NPAS3: variants seen among roughly 807,000 people sequenced by gnomAD.
NPAS3 encodes the protein neuronal PAS domain-containing protein 3.
In NPAS3, 14 loss-of-function variants were observed where a neutral mutation model predicts 73.1. The observed-to-expected ratio is 0.19, with a 90% CI of 0.13 to 0.30. The LOEUF (loss-of-function observed/expected upper bound fraction) is 0.30, where lower values mean the gene tolerates loss of function less well. NPAS3 is among the 10% of genes least tolerant of loss of function. NPAS3 has a pLI of 1.00. For missense variants in NPAS3, 1,096 were observed against 1,250.0 expected (o/e 0.88, Z 1.86); for synonymous variants, 620 against 541.5 (o/e 1.14, Z -2.01).
intron 4 of NPAS3, among the ~76,000 whole-genome samples, chr14:33,415,065 T>C (rs79754205): frequency 0.013 from 1,938 of 152,226 alleles, 40 homozygotes; most frequent in African/African-American, 0.044. Context: ...TCAACCAATA[T>C]GCATAAGACT....
chr14:33,064,362 C>T (rs907568127), intron 2 of NPAS3, among the ~76,000 whole-genome samples: 5 of 151,992 alleles, frequency 3.3e-5, no homozygotes, highest in East Asian at 1.9e-4. Flanking sequence ...AACAAAGGAA[C>T]GAAATTATGG....
At chr14:33,739,092 T>C (rs1325348625) in intron 7 of NPAS3, among the ~76,000 whole-genome samples, 1 of 152,202 alleles carries the variant, frequency 6.6e-6, no homozygotes, top group African/African-American at 2.4e-5. Context: ...AATGGCACAG[T>C]AGACAGCCTA....
chr14:33,116,029 G>T (rs1457964393), intron 2 of NPAS3, among the ~76,000 whole-genome samples: 1 of 151,998 alleles, frequency 6.6e-6, no homozygotes, highest in African/African-American at 2.4e-5. Flanking sequence ...ACAGATGGGA[G>T]CCTCATCCAA....
chr14:33,284,988 G>T (rs768745122), intron 3 of NPAS3, among the ~76,000 whole-genome samples: 3 of 152,152 alleles, frequency 2.0e-5, no homozygotes, highest in Non-Finnish European at 4.4e-5. Context: ...CTTTGGAAAC[G>T]TCCAAGGAGA....
chr14:33,232,010 G>A lies in NPAS3; in HGVS notation c.385+16584G>A, dbSNP rs534808759. Among the ~76,000 whole-genome samples, 5 of 152,228 alleles carry A rather than the reference G, an allele frequency of 3.3e-5. 1 individual carries two copies. In the South Asian group the frequency reaches 8.3e-4, roughly 25 times the overall value. Reference sequence around the variant, plus strand: ...ATAGTCCTATAGAGAGAATTGGTATGTATTTCATAATAATACCATGTAGTC... The same window carrying A: ...ATAGTCCTATAGAGAGAATTGGTATATATTTCATAATAATACCATGTAGTC... On this transcript the variant is annotated intron_variant, in intron 3 of 11. Transcript: ENST00000356141.
intron 5 of NPAS3, among the ~76,000 whole-genome samples, chr14:33,639,606 A>C (rs950018116): frequency 1.2e-4 from 18 of 152,150 alleles, no homozygotes; most frequent in African/African-American, 4.3e-4. Flanking sequence ...GTTCAGGTAC[A>C]TAAGAGCCAA....
chr14:33,752,734 C>G (rs78495155), intron 7 of NPAS3, among the ~76,000 whole-genome samples: 5 of 152,274 alleles, frequency 3.3e-5, no homozygotes, highest in Non-Finnish European at 7.3e-5. Context: ...CCTTCTCCGT[C>G]AAGGAAAATT....
intron 2 of NPAS3, among the ~76,000 whole-genome samples, chr14:33,070,599 G>A (rs987515459): frequency 6.6e-6 from 1 of 152,154 alleles, no homozygotes; most frequent in African/African-American, 2.4e-5. Flanking sequence ...GTGGATCATT[G>A]TTTGAAAGTA....
intron 2 of NPAS3, among the ~76,000 whole-genome samples, chr14:33,132,791 A>G (rs759002390): frequency 1.3e-5 from 2 of 152,188 alleles, no homozygotes; most frequent in Non-Finnish European, 2.9e-5. Context: ...GATGGTAGTG[A>G]CTTTAGAAGC....
At chr14:33,676,188 C>T (rs370348244) in intron 5 of NPAS3, 23 bp from the exon 6 acceptor site, 2 of 1,611,938 alleles carry the variant, frequency 1.2e-6, no homozygotes, top group African/African-American at 1.3e-5. Context: ...TCTTTCCTTC[C>T]CACCCTTTCT....
At chr14:33,528,305 T>C (rs1227992109) in intron 4 of NPAS3, among the ~76,000 whole-genome samples, 1 of 151,954 alleles carries the variant, frequency 6.6e-6, no homozygotes, top group Non-Finnish European at 1.5e-5. Context: ...TATTCACTTA[T>C]TCACTTGGTG....
chr14:33,365,588 C>A (rs1311331458), intron 3 of NPAS3, among the ~76,000 whole-genome samples: 3 of 152,100 alleles, frequency 2.0e-5, no homozygotes, highest in Non-Finnish European at 4.4e-5. Context: ...AAGATCCCTT[C>A]CAGCTGGAAT....
intron 1 of NPAS3, among the ~76,000 whole-genome samples, chr14:33,027,783 A>G (rs1170044847): frequency 6.6e-6 from 1 of 152,188 alleles, no homozygotes; most frequent in East Asian, 1.9e-4. Flanking sequence ...CAGAAGCAAT[A>G]TACATATTTT....
In NPAS3 at chr14:33,288,839, T is replaced by C. The variant is rs138159738; in HGVS notation, c.385+73413T>C. On this transcript the variant is annotated intron_variant, in intron 3 of 11. Coordinates refer to ENST00000356141, the Ensembl canonical transcript of NPAS3. ...CCCACAAAGCAAAATATCTAAAAAA[T>C]CTATTGTACACATTTAAAATTATTA... 5.9e-3 allele frequency among the ~76,000 whole-genome samples: 900 copies of C among 152,214 alleles called. 4 individuals carry two copies. The highest frequency in any genetic ancestry group is 0.031 in the Middle Eastern group (9 of 294).
intron 5 of NPAS3, among the ~76,000 whole-genome samples, chr14:33,657,409 G>C (rs752230430): frequency 6.6e-6 from 1 of 152,178 alleles, no homozygotes; most frequent in Non-Finnish European, 1.5e-5. Context: ...TATCATCCCA[G>C]ACATAAAGAA....
chr14:33,381,289 C>T (rs1282681592), intron 4 of NPAS3, among the ~76,000 whole-genome samples: 1 of 152,162 alleles, frequency 6.6e-6, no homozygotes, highest in Non-Finnish European at 1.5e-5. Context: ...GATATTGTTA[C>T]GTCTTTCTAA....
At chr14:33,504,390 A>G (rs1228226750) in intron 4 of NPAS3, among the ~76,000 whole-genome samples, 3 of 152,020 alleles carry the variant, frequency 2.0e-5, no homozygotes, top group Non-Finnish European at 4.4e-5. Flanking sequence ...ACTACCAACA[A>G]TAAAAGCTGG....
At chr14:33,607,975 G>A (rs193076552) in intron 5 of NPAS3, among the ~76,000 whole-genome samples, 2 of 152,252 alleles carry the variant, frequency 1.3e-5, no homozygotes, top group Admixed American at 1.3e-4. Context: ...CCATGATTCA[G>A]TTACCTCCCA....
chr14:33,570,348 A>G (rs1428763653), intron 5 of NPAS3, among the ~76,000 whole-genome samples: 2 of 152,200 alleles, frequency 1.3e-5, no homozygotes, highest in Non-Finnish European at 2.9e-5. Flanking sequence ...CTAGTTGTCC[A>G]GGGTCACTTC....
Sources: allele counts gnomAD v4.1 joint callset (sites outside exome capture counted in the v4.1 genomes callset), GRCh38; gene constraint gnomAD v4.1.1; transcripts MANE v1.5; gene names NCBI Gene and HGNC (gene_info 2026-07-23, HGNC 2026-07-21).